AK5: variants seen among roughly 807,000 people sequenced by gnomAD.
AK5 encodes the protein adenylate kinase isoenzyme 5.
A neutral mutation model predicts 69.5 loss-of-function variants in AK5; 27 were observed. The ratio of observed to expected loss-of-function variants is 0.39; its 90% CI spans 0.29 to 0.54. AK5 has a LOEUF of 0.54. Ranked by LOEUF, AK5 falls within the 20% of genes least tolerant of loss-of-function variation. The pLI is 0.71. For synonymous variants in AK5, 260 were observed against 244.4 expected, an observed-to-expected ratio of 1.06 and a Z score of -0.60; for missense variants, 531 against 700.4, an observed-to-expected ratio of 0.76 and a Z score of 2.73.
intron 8 of AK5, among the ~76,000 whole-genome samples, chr1:77,481,457 A>C (rs1655247853): frequency 6.6e-6 from 1 of 152,248 alleles, no homozygotes; most frequent in African/African-American, 2.4e-5. Context: ...CACTCTGTTA[A>C]TAGCTCTTCT....
chr1:77,361,843 G>A (rs72679556), intron 6 of AK5, among the ~76,000 whole-genome samples: 3 of 152,246 alleles, frequency 2.0e-5, no homozygotes, highest in Non-Finnish European at 2.9e-5. Flanking sequence ...CACCCCCGCC[G>A]TAATTCAGTC....
intron 6 of AK5, among the ~76,000 whole-genome samples, chr1:77,392,134 A>T (rs1170476535): frequency 6.6e-6 from 1 of 152,238 alleles, no homozygotes; most frequent in Non-Finnish European, 1.5e-5. Context: ...GACTGTGAAG[A>T]TATATAATTA....
chr1:77,325,937 A>G (rs557260033), intron 5 of AK5, among the ~76,000 whole-genome samples: 2 of 152,310 alleles, frequency 1.3e-5, no homozygotes, highest in South Asian at 2.1e-4. Context: ...TTAAAGGTAC[A>G]TATTAAACAA....
intron 10 of AK5, among the ~76,000 whole-genome samples, chr1:77,498,556 GTTCCTCAGT>G (rs1387895831): frequency 7.2e-5 from 11 of 152,188 alleles, no homozygotes; most frequent in Admixed American, 7.2e-4. Context: ...TCCACTCACT[GTTCCTCAGT>G]TTCTTCACCT....
chr1:77,550,461 C>T (rs1659768863), intron 13 of AK5, among the ~76,000 whole-genome samples: 1 of 152,150 alleles, frequency 6.6e-6, no homozygotes, highest in African/African-American at 2.4e-5. Flanking sequence ...CCCTATATTG[C>T]AGGACGTATT....
chr1:77,284,112 T>G (rs1008989586), intron 1 of AK5, among the ~76,000 whole-genome samples: 7 of 152,202 alleles, frequency 4.6e-5, no homozygotes, highest in Non-Finnish European at 1.0e-4. Context: ...GGAAGTCAAC[T>G]TGCTTGGGTG....
intron 8 of AK5, among the ~76,000 whole-genome samples, chr1:77,440,561 C>T (rs1421638323): frequency 6.6e-6 from 1 of 152,058 alleles, no homozygotes; most frequent in Non-Finnish European, 1.5e-5. Context: ...ATTAAATAGG[C>T]TTTTTTACAC....
intron 10 of AK5, among the ~76,000 whole-genome samples, chr1:77,491,789 A>G (rs1656023247): frequency 6.6e-6 from 1 of 152,220 alleles, no homozygotes; most frequent in African/African-American, 2.4e-5. Flanking sequence ...AGCACTTTAT[A>G]ATGTTATCTT....
chr1:77,523,943 G>A (rs187233463), intron 12 of AK5, among the ~76,000 whole-genome samples: 1 of 152,212 alleles, frequency 6.6e-6, no homozygotes, highest in East Asian at 1.9e-4. Context: ...TGGGATTACA[G>A]GTGTGAGCCA....
At position 77,410,973 on chromosome 1, in the gene AK5, TC is replaced by T. The variant is rs1328662684; in HGVS notation, c.892-3del. On this transcript the variant is annotated splice_polypyrimidine_tract_variant and splice_region_variant and intron_variant, in intron 6 of 13. Coordinates refer to ENST00000354567, the MANE Select transcript of AK5 (RefSeq NM_174858.3). The stretch of plus-strand genomic sequence containing the variant: ...CATTCCAAACTTGTCTGTCCTGATT[TC>T]CCCCAGTTTGATGCCGACCGCGATG... 1.9e-6 allele frequency: 3 copies of T among 1,612,268 alleles called. No individual in the cohort carries two copies. In the South Asian group the frequency reaches 3.3e-5, roughly 18 times the overall value.
intron 8 of AK5, among the ~76,000 whole-genome samples, chr1:77,418,643 T>A (rs1454152126): frequency 6.6e-6 from 1 of 152,304 alleles, no homozygotes; most frequent in Middle Eastern, 3.4e-3. Context: ...GCTTTATTTT[T>A]AAAAAAGAAA....
chr1:77,392,197 G>A (rs1447890371), intron 6 of AK5, among the ~76,000 whole-genome samples: 1 of 152,148 alleles, frequency 6.6e-6, no homozygotes. Flanking sequence ...AATATACTAT[G>A]AGTATTATTA....
chr1:77,559,193 T>TTGA lies in AK5; in HGVS notation c.*525_*527dup, dbSNP rs1414443830. 6.6e-6 allele frequency: 1 copy of TTGA among 152,198 alleles called. No individual in the cohort carries two copies. Among genetic ancestry groups the TTGA allele is most frequent in the Admixed American group, 6.5e-5 (1 of 15,282 alleles). 9.4% of individuals were successfully genotyped at this position (152,198 alleles called of 1,614,324 possible). A position where few individuals can be genotyped will look rare whatever the true frequency, so the allele number is the denominator to read the frequency against. Reference sequence around the variant, plus strand: ...TGGTGGCTCAGAGCCATAAGGTGGGTTGATTACACAATGCCTTGTACATGA... The same window carrying TTGA: ...TGGTGGCTCAGAGCCATAAGGTGGGTTGATGATTACACAATGCCTTGTACATGA... On this transcript the variant is annotated 3_prime_UTR_variant, in exon 14 of 14. Coordinates refer to ENST00000354567, the MANE Select transcript of AK5 (RefSeq NM_174858.3).
chr1:77,303,743 G>A (rs1368913883), intron 5 of AK5, among the ~76,000 whole-genome samples: 1 of 152,210 alleles, frequency 6.6e-6, no homozygotes, highest in Non-Finnish European at 1.5e-5. Context: ...CAACTGCCCT[G>A]GGACATTGTA....
chr1:77,474,641 A>T (rs1239081384), intron 8 of AK5, among the ~76,000 whole-genome samples: 1 of 152,136 alleles, frequency 6.6e-6, no homozygotes, highest in East Asian at 1.9e-4. Context: ...CTGGAGAAGG[A>T]GTTGTCAGTC....
intron 8 of AK5, among the ~76,000 whole-genome samples, chr1:77,480,683 TAAG>T (rs1194672328): frequency 1.3e-5 from 2 of 152,178 alleles, no homozygotes; most frequent in African/African-American, 4.8e-5. Flanking sequence ...TGACAAACAA[TAAG>T]AAGATTTAGA....
At chr1:77,508,515 C>G (rs1657146881) in intron 10 of AK5, among the ~76,000 whole-genome samples, 1 of 152,182 alleles carries the variant, frequency 6.6e-6, no homozygotes. Context: ...CAGTACACAT[C>G]CACCTCTGCC....
chr1:77,524,995 C>G (rs1658193902), intron 12 of AK5, among the ~76,000 whole-genome samples: 1 of 152,240 alleles, frequency 6.6e-6, no homozygotes, highest in East Asian at 1.9e-4. Flanking sequence ...CAACCTCTAC[C>G]TACCAGGTTC....
intron 10 of AK5, among the ~76,000 whole-genome samples, chr1:77,505,602 C>T (rs889866285): frequency 2.1e-4 from 32 of 151,992 alleles, no homozygotes; most frequent in Non-Finnish European, 3.4e-4. Flanking sequence ...CATGGTGGTG[C>T]ACACCTGTAA....
Sources: allele counts gnomAD v4.1 joint callset (sites outside exome capture counted in the v4.1 genomes callset), GRCh38; gene constraint gnomAD v4.1.1; transcripts MANE v1.5; gene names NCBI Gene and HGNC (gene_info 2026-07-23, HGNC 2026-07-21).